The following KLHDC1 variants were observed in gnomAD, a reference collection of about 807,000 sequenced individuals.
The protein encoded by KLHDC1 is kelch domain containing 1.
In KLHDC1, 53 loss-of-function variants were observed where a neutral mutation model predicts 68.3. The ratio of observed to expected loss-of-function variants is 0.78; its 90% CI spans 0.62 to 0.98. KLHDC1 has a LOEUF of 0.98. KLHDC1 is among the 50% of genes least tolerant of loss of function. The pLI, the probability that KLHDC1 is intolerant of heterozygous loss-of-function variation, is 0.00. For missense variants in KLHDC1, 470 were observed against 492.3 expected (o/e 0.95, Z 0.43); for synonymous variants, 148 against 159.0 (o/e 0.93, Z 0.52).
At chr14:49,724,827 ATT>A (rs55789065) in intron 5 of KLHDC1, among the ~76,000 whole-genome samples, 6 of 137,718 alleles carry the variant, frequency 4.4e-5, no homozygotes, top group Middle Eastern at 4.0e-3. Flanking sequence ...CACAAATGGT[ATT>A]TTTTTTTTTT....
chr14:49,713,489 T>C (rs1888262994), intron 4 of KLHDC1, among the ~76,000 whole-genome samples: 1 of 152,126 alleles, frequency 6.6e-6, no homozygotes, highest in Non-Finnish European at 1.5e-5. Flanking sequence ...TCAGGATAAA[T>C]GCTTGATTCT....
At chr14:49,746,033 G>A (rs1413726045) in intron 12 of KLHDC1, among the ~76,000 whole-genome samples, 1 of 152,148 alleles carries the variant, frequency 6.6e-6, no homozygotes, top group Non-Finnish European at 1.5e-5. Flanking sequence ...GTCTGATCTG[G>A]AAAGTATCAA....
At chr14:49,744,393 A>G (rs549115174) in intron 12 of KLHDC1, among the ~76,000 whole-genome samples, 221 of 152,254 alleles carry the variant, frequency 1.5e-3, no homozygotes, top group African/African-American at 5.0e-3. Flanking sequence ...GTAATATTAA[A>G]CATACTATAT....
chr14:49,738,895 G>A (rs1888996106), intron 10 of KLHDC1, among the ~76,000 whole-genome samples: 1 of 152,188 alleles, frequency 6.6e-6, no homozygotes, highest in Non-Finnish European at 1.5e-5. Flanking sequence ...CGTGGAGTTG[G>A]ATGCAGATAT....
rs775049684 is a variant in KLHDC1, at chr14:49,723,895, T to C, written c.426T>C (p.Tyr142=). 2.9e-5 allele frequency: 47 copies of C among 1,599,290 alleles called. No individual in the cohort carries two copies. In the South Asian group the frequency reaches 5.2e-4, roughly 18 times the overall value. The part of the protein sequence containing the change: ...YKDRLIYFGG[Y]GCRRHSELQD... The stretch of plus-strand genomic sequence containing the variant: ...TCAGACTAATATATTTTGGTGGTTA[T>C]GGGTGTAGGAGACACAGTGAACTCC... The change falls in exon 5 of 13, where the codon TAT becomes TAC. Residue 142 remains tyrosine (Y), a synonymous_variant. Transcript: ENST00000359332.
chr14:49,696,811 A>G (rs1457372531), intron 1 of KLHDC1, among the ~76,000 whole-genome samples: 5 of 148,468 alleles, frequency 3.4e-5, no homozygotes, highest in African/African-American at 1.2e-4. Context: ...TTTGGCCTGT[A>G]TTAGCTTTTG....
intron 4 of KLHDC1, among the ~76,000 whole-genome samples, chr14:49,720,442 A>C (rs749954290): frequency 1.3e-5 from 2 of 151,432 alleles, no homozygotes; most frequent in Non-Finnish European, 2.9e-5. Flanking sequence ...TTTTTGTGAC[A>C]AATTTACTCT....
Position 49,693,136 on chromosome 14 carries a change from G to A in KLHDC1, c.-59G>A. 5 of 1,469,630 alleles carry A rather than the reference G, an allele frequency of 3.4e-6. No homozygotes were observed. The highest frequency in any genetic ancestry group is 4.6e-6 in the Non-Finnish European group (5 of 1,085,108). 91.0% of individuals were successfully genotyped at this position (1,469,630 alleles called of 1,614,324 possible). A position where few individuals can be genotyped will look rare whatever the true frequency, so the allele number is the denominator to read the frequency against. On this transcript the variant is annotated 5_prime_UTR_variant, in exon 1 of 13. Transcript: ENST00000359332. ...GCGTGGAGCAGTCGGGGCTGGAGGCGAGGCCGCCGGGCGGGCAGGGGTTGT... is the reference window on the plus strand; with the variant it reads ...GCGTGGAGCAGTCGGGGCTGGAGGCAAGGCCGCCGGGCGGGCAGGGGTTGT...
intron 4 of KLHDC1, among the ~76,000 whole-genome samples, chr14:49,715,473 G>A (rs945471678): frequency 6.6e-6 from 1 of 151,214 alleles, no homozygotes; most frequent in Admixed American, 6.6e-5. Context: ...TAGGCCGGAT[G>A]TGGTGGCTCA....
intron 5 of KLHDC1, 195 bp from the exon 6 acceptor site, chr14:49,725,491 C>A: frequency 2.3e-6 from 1 of 434,868 alleles, no homozygotes; most frequent in South Asian, 6.1e-5. Flanking sequence ...AGAAAAGTTG[C>A]CAGGTGGTGC....
Position 49,709,210 on chromosome 14 carries a change from G to T in KLHDC1, c.148G>T (p.Asp50Tyr). Residue 50 changes from aspartate (D) to tyrosine (Y), a missense_variant, in exon 2 of 13, where the codon GAT becomes TAT. Physicochemically the swap from Asp to Tyr is radical, Grantham distance 160 (BLOSUM62 -3). Coordinates refer to ENST00000359332, the MANE Select transcript of KLHDC1 (RefSeq NM_172193.3). Reference sequence around the variant, plus strand: ...GCCTAATGATGAAATTTGGACCTATGATATTGATAGTGGGTTGTGGTAAGT... The same window carrying T: ...GCCTAATGATGAAATTTGGACCTATTATATTGATAGTGGGTTGTGGTAAGT... Reference protein sequence around the residue: ...YLPNDEIWTYDIDSGLWRMHL... With the variant: ...YLPNDEIWTYYIDSGLWRMHL... The T allele has an allele frequency of 7.3e-7, 1 of 1,366,888 alleles. No homozygotes were observed. The allele number at this position is 1,366,888 out of a possible 1,614,324, so 84.7% of individuals were successfully genotyped here.
chr14:49,726,363 C>T (rs949327889), intron 6 of KLHDC1, among the ~76,000 whole-genome samples: 4 of 152,160 alleles, frequency 2.6e-5, no homozygotes, highest in South Asian at 2.1e-4. Flanking sequence ...CTGCACTCCA[C>T]TGCATTCTAG....
intron 11 of KLHDC1, among the ~76,000 whole-genome samples, chr14:49,740,533 G>T (rs1482452835): frequency 6.6e-6 from 1 of 152,018 alleles, no homozygotes; most frequent in African/African-American, 2.4e-5. Flanking sequence ...GAGAGACGGG[G>T]TTTCACCGTG....
At chr14:49,695,113 T>G (rs1251186269) in intron 1 of KLHDC1, among the ~76,000 whole-genome samples, 1 of 129,144 alleles carries the variant, frequency 7.7e-6, no homozygotes. Context: ...CAATGCAGTT[T>G]TGATGTGTGT....
chr14:49,693,135 C>A lies in KLHDC1; in HGVS notation c.-60C>A. The A allele has an allele frequency of 6.9e-7, 1 of 1,452,496 alleles. No homozygotes were observed. Among genetic ancestry groups the A allele is most frequent in the Non-Finnish European group, 9.3e-7 (1 of 1,071,048 alleles). 90.0% of individuals were successfully genotyped at this position (1,452,496 alleles called of 1,614,324 possible). A position where few individuals can be genotyped will look rare whatever the true frequency, so the allele number is the denominator to read the frequency against. On this transcript the variant is annotated 5_prime_UTR_variant, in exon 1 of 13. Transcript: ENST00000359332. ...TGCGTGGAGCAGTCGGGGCTGGAGG[C>A]GAGGCCGCCGGGCGGGCAGGGGTTG...
At chr14:49,731,668 CT>C (rs1209052333) in intron 8 of KLHDC1, among the ~76,000 whole-genome samples, 5 of 152,010 alleles carry the variant, frequency 3.3e-5, no homozygotes, top group South Asian at 2.1e-4. Context: ...TGCCCCGTCT[CT>C]TTTAAGTGTC....
chr14:49,710,373 T>A lies in KLHDC1; in HGVS notation c.396T>A (p.Tyr132Ter). Residue 132 changes from tyrosine (Y) to a stop codon, truncating the protein, a stop_gained, in exon 4 of 13, where the codon TAT becomes TAA. Transcript: ENST00000359332. LOFTEE classifies it high-confidence loss of function. The part of the protein sequence containing the change: ...TPRDKLSCWV[Y>*]KDRLIYFGGY... Reference sequence around the variant, plus strand: ...GTGATAAACTTTCCTGCTGGGTATATAAAGACAGGTAATGCAGCAGTTGCA... The same window carrying A: ...GTGATAAACTTTCCTGCTGGGTATAAAAAGACAGGTAATGCAGCAGTTGCA... 6.5e-7 allele frequency: 1 copy of A among 1,539,008 alleles called. No individual in the cohort carries two copies. The highest frequency in any genetic ancestry group is 9.0e-7 in the Non-Finnish European group (1 of 1,112,266).
chr14:49,738,633 C>A (rs1467646623), intron 10 of KLHDC1, among the ~76,000 whole-genome samples: 1 of 152,192 alleles, frequency 6.6e-6, no homozygotes, highest in Non-Finnish European at 1.5e-5. Context: ...CAGGCTTGAG[C>A]CACCGTGCCC....
intron 1 of KLHDC1, 128 bp downstream of exon 1, chr14:49,693,418 C>G (rs1887628494): frequency 1.9e-6 from 1 of 519,148 alleles, no homozygotes; most frequent in Non-Finnish European, 3.0e-6. Context: ...CTGCAGCCCC[C>G]CAGCCCCTCC....
Sources: gnomAD v4.1 joint callset for allele counts (sites outside exome capture counted in the v4.1 genomes callset) on GRCh38, gnomAD v4.1.1 for gene constraint, MANE v1.5 for transcripts, NCBI Gene and HGNC (gene_info 2026-07-23, HGNC 2026-07-21) for gene names.